TEC: variants seen among roughly 807,000 people sequenced by gnomAD.
TEC encodes the protein tyrosine-protein kinase Tec.
A neutral mutation model predicts 93.0 loss-of-function variants in TEC; 72 were observed. The observed-to-expected ratio is 0.77, with a 90% CI of 0.64 to 0.94. TEC has a LOEUF of 0.94. Ranked by LOEUF, TEC falls within the 40% of genes least tolerant of loss-of-function variation. The pLI, the probability that TEC is intolerant of heterozygous loss-of-function variation, is 0.00. For missense variants in TEC, 630 were observed against 757.9 expected, an observed-to-expected ratio of 0.83 and a Z score of 1.98; for synonymous variants, 249 against 247.7, an observed-to-expected ratio of 1.01 and a Z score of -0.05.
In TEC at chr4:48,137,387, G is replaced by C. The variant is rs765056557; in HGVS notation, c.*29C>G. The C allele has an allele frequency of 6.3e-7, 1 of 1,585,314 alleles. No homozygotes were observed. Among genetic ancestry groups the C allele is most frequent in the Non-Finnish European group, 8.6e-7 (1 of 1,156,578 alleles). On this transcript the variant is annotated 3_prime_UTR_variant, in exon 18 of 18. Coordinates refer to ENST00000381501, the MANE Select transcript of TEC (RefSeq NM_003215.3). ...AATGCCCATCCTTCCTTGTGCTTGG[G>C]AATCTGGGAGCCACTGGTCACACAT...
chr4:48,249,667 C>A (rs1487142157), intron 1 of TEC, among the ~76,000 whole-genome samples: 1 of 152,162 alleles, frequency 6.6e-6, no homozygotes, highest in Admixed American at 6.5e-5. Flanking sequence ...TGATTTAAGC[C>A]CTGCTTCTTG....
intron 8 of TEC, among the ~76,000 whole-genome samples, chr4:48,159,243 G>A (rs1014419741): frequency 1.3e-5 from 2 of 152,300 alleles, no homozygotes; most frequent in African/African-American, 4.8e-5. Context: ...TCATGGTCCT[G>A]CAGGCTGTAC....
At position 48,236,438 on chromosome 4, in the gene TEC, C is replaced by T. The variant is rs1421121072; in HGVS notation, c.-45-7779G>A. Among the ~76,000 whole-genome samples, 6 of 152,002 alleles carry T rather than the reference C, an allele frequency of 3.9e-5. No individual in the cohort carries two copies. In the East Asian group the frequency reaches 5.8e-4, roughly 15 times the overall value. On this transcript the variant is annotated intron_variant, in intron 1 of 17. Transcript: ENST00000381501. ...CTGGGACTACAGGCGCCCGCCACTA[C>T]GCCCGGTTAATTTTTTTGTATTTTT...
chr4:48,258,779 G>A (rs1724412935), intron 1 of TEC, among the ~76,000 whole-genome samples: 1 of 152,110 alleles, frequency 6.6e-6, no homozygotes, highest in Non-Finnish European at 1.5e-5. Flanking sequence ...TGTCTTCCCT[G>A]ATTATTTATT....
intron 2 of TEC, among the ~76,000 whole-genome samples, chr4:48,226,074 G>C (rs1007141854): frequency 3.3e-5 from 5 of 152,126 alleles, no homozygotes; most frequent in South Asian, 2.1e-4. Context: ...TGAAGGAAGA[G>C]GGATGCCACT....
chr4:48,259,630 C>A (rs1724443068), intron 1 of TEC, among the ~76,000 whole-genome samples: 1 of 151,322 alleles, frequency 6.6e-6, no homozygotes. Flanking sequence ...GCATGAGAAT[C>A]TCCTAAACCC....
chr4:48,252,614 A>T (rs1486091023), intron 1 of TEC, among the ~76,000 whole-genome samples: 2 of 152,240 alleles, frequency 1.3e-5, no homozygotes, highest in African/African-American at 4.8e-5. Context: ...TTCTGTGAAG[A>T]GGCAGAGGTA....
chr4:48,236,394 G>C (rs911968919), intron 1 of TEC, among the ~76,000 whole-genome samples: 1 of 151,636 alleles, frequency 6.6e-6, no homozygotes, highest in African/African-American at 2.4e-5. Context: ...CCATTCTCCT[G>C]CCTCAGCCTC....
chr4:48,259,715 C>CAA (rs5858111), intron 1 of TEC, among the ~76,000 whole-genome samples: 1,295 of 117,846 alleles, frequency 0.011, 7 homozygotes, highest in Non-Finnish European at 0.017. Flanking sequence ...GACTTTGTCT[C>CAA]AAAAAAAAAA....
intron 14 of TEC, chr4:48,141,638 C>T: frequency 2.1e-6 from 1 of 467,436 alleles, no homozygotes; most frequent in Non-Finnish European, 3.8e-6. Flanking sequence ...TGCAATAAGG[C>T]ATTATTACAT....
At chr4:48,262,735 C>G (rs1724530143) in intron 1 of TEC, among the ~76,000 whole-genome samples, 1 of 152,176 alleles carries the variant, frequency 6.6e-6, no homozygotes, top group African/African-American at 2.4e-5. Context: ...TCTGCAGTAT[C>G]CCTACTAGCC....
At chr4:48,223,724 G>C (rs933713396) in intron 2 of TEC, among the ~76,000 whole-genome samples, 1 of 152,214 alleles carries the variant, frequency 6.6e-6, no homozygotes, top group Non-Finnish European at 1.5e-5. Flanking sequence ...TCCTTGCCTG[G>C]CATCTGGGAA....
chr4:48,148,426 A>G (rs577179481), intron 11 of TEC, among the ~76,000 whole-genome samples: 14 of 152,136 alleles, frequency 9.2e-5, no homozygotes, highest in Admixed American at 2.6e-4. Flanking sequence ...ATCTTTCTAT[A>G]TAATCCTGTG....
At chr4:48,182,113 T>A (rs28740900) in intron 2 of TEC, among the ~76,000 whole-genome samples, 47,239 of 151,796 alleles carry the variant, frequency 0.31, 8,023 homozygotes, top group Non-Finnish European at 0.38. Flanking sequence ...GAAAACCCCA[T>A]CTCTACTAAA....
chr4:48,228,023 T>C (rs1174189316), intron 2 of TEC, among the ~76,000 whole-genome samples: 1 of 152,178 alleles, frequency 6.6e-6, no homozygotes, highest in Non-Finnish European at 1.5e-5. Flanking sequence ...ATTAAAAAAA[T>C]GAATGTTTAA....
At chr4:48,223,522 A>T (rs1243740937) in intron 2 of TEC, among the ~76,000 whole-genome samples, 1 of 152,242 alleles carries the variant, frequency 6.6e-6, no homozygotes, top group Non-Finnish European at 1.5e-5. Flanking sequence ...TTTTGAAATT[A>T]AGTCTAACAA....
chr4:48,248,288 G>C (rs2704393), intron 1 of TEC, among the ~76,000 whole-genome samples: 12,122 of 152,164 alleles, frequency 0.08, 1,620 homozygotes, highest in African/African-American at 0.28. Flanking sequence ...TGGATATCTA[G>C]GGTGGCCTCA....
At position 48,198,083 on chromosome 4, in the gene TEC, A is replaced by G. The variant is rs542567521; in HGVS notation, c.139-21897T>C. 2.0e-5 allele frequency among the ~76,000 whole-genome samples: 3 copies of G among 152,274 alleles called. No homozygotes were observed. In the East Asian group the frequency reaches 5.8e-4, roughly 29 times the overall value. On this transcript the variant is annotated intron_variant, in intron 2 of 17. Coordinates refer to ENST00000381501, the MANE Select transcript of TEC (RefSeq NM_003215.3). The stretch of plus-strand genomic sequence containing the variant: ...CCAGCCCATTCCGCCCTTCCTGTCC[A>G]AGATCTGTAAGTAAAAATCTCTGAA...
intron 1 of TEC, among the ~76,000 whole-genome samples, chr4:48,238,926 G>C (rs1308128071): frequency 2.0e-5 from 3 of 152,116 alleles, no homozygotes; most frequent in Admixed American, 1.3e-4. Context: ...TACTCTGAAG[G>C]TGGGGAAGAA....
Sources: gnomAD v4.1 joint callset for allele counts (sites outside exome capture counted in the v4.1 genomes callset) on GRCh38, gnomAD v4.1.1 for gene constraint, MANE v1.5 for transcripts, NCBI Gene and HGNC (gene_info 2026-07-23, HGNC 2026-07-21) for gene names.